Variants in PARD3 observed in about 807,000 individuals in gnomAD.
PARD3 encodes par-3 family cell polarity regulator, also known as partitioning defective 3 homolog.
In PARD3, 75 loss-of-function variants were observed where a neutral mutation model predicts 155.4. The ratio of observed to expected loss-of-function variants is 0.48; its 90% confidence interval spans 0.40 to 0.58. The LOEUF is 0.58. PARD3 is among the 20% of genes least tolerant of loss of function. The pLI, the probability that PARD3 is intolerant of heterozygous loss-of-function variation, is 0.00. For missense variants in PARD3, 1,642 were observed against 1,721.7 expected (o/e 0.95, Z 0.82); for synonymous variants, 576 against 610.5 (o/e 0.94, Z 0.83).
intron 1 of PARD3, among the ~76,000 whole-genome samples, chr10:34,733,531 T>C (rs1183728531): frequency 6.6e-6 from 1 of 152,240 alleles, no homozygotes; most frequent in East Asian, 1.9e-4. Context: ...TCACCCAGGC[T>C]GGAGTGCAGT....
At chr10:34,609,377 T>A (rs2090711919) in intron 2 of PARD3, among the ~76,000 whole-genome samples, 1 of 152,184 alleles carries the variant, frequency 6.6e-6, no homozygotes, top group African/African-American at 2.4e-5. Flanking sequence ...GCAGGTTTTG[T>A]AAAAATGGAA....
intron 2 of PARD3, among the ~76,000 whole-genome samples, chr10:34,584,569 C>T (rs1439043235): frequency 6.6e-6 from 1 of 152,194 alleles, no homozygotes; most frequent in Non-Finnish European, 1.5e-5. Context: ...TGGTGTCCAA[C>T]TAATCGAGCG....
In PARD3 at chr10:34,115,712, C is replaced by CT. The variant is rs1029767685; in HGVS notation, c.3668+3900dup. Among the ~76,000 whole-genome samples the CT allele has an allele frequency of 3.4e-3, 484 of 141,478 alleles. 1 individual carries two copies. Among genetic ancestry groups the CT allele is most frequent in the African/African-American group, 5.9e-3 (230 of 38,706 alleles). 92.8% of individuals were successfully genotyped at this position (141,478 alleles called of 152,430 possible). ...TAAACTGTCAATTTATAATTTTTTT[C>CT]TTTTTTTTTTTTTTCTTTGAGACGG... On this transcript the variant is annotated intron_variant, in intron 24 of 24. Coordinates refer to ENST00000374788, the MANE Select transcript of PARD3 (RefSeq NM_001184785.2).
At chr10:34,710,574 T>C (rs1456716787) in intron 1 of PARD3, among the ~76,000 whole-genome samples, 1 of 152,188 alleles carries the variant, frequency 6.6e-6, no homozygotes, top group Non-Finnish European at 1.5e-5. Context: ...ATGAGTCATT[T>C]CCAATGACTC....
At chr10:34,324,309 C>G (rs997347891) in intron 19 of PARD3, among the ~76,000 whole-genome samples, 1 of 152,124 alleles carries the variant, frequency 6.6e-6, no homozygotes, top group Non-Finnish European at 1.5e-5. Context: ...GCAAAAATTT[C>G]CTGATGTTAA....
chr10:34,199,403 C>G (rs1031026901), intron 22 of PARD3, among the ~76,000 whole-genome samples: 2 of 152,158 alleles, frequency 1.3e-5, no homozygotes, highest in Non-Finnish European at 2.9e-5. Flanking sequence ...AAGCCACAGG[C>G]ATCTCACACG....
At chr10:34,142,318 G>A (rs1282774425) in intron 22 of PARD3, among the ~76,000 whole-genome samples, 2 of 152,138 alleles carry the variant, frequency 1.3e-5, no homozygotes, top group Non-Finnish European at 2.9e-5. Flanking sequence ...CAAGATGGGA[G>A]CATCGCTTTA....
At chr10:34,750,463 AC>A (rs1222823301) in intron 1 of PARD3, among the ~76,000 whole-genome samples, 85 of 3,356 alleles carry the variant, frequency 0.025, no homozygotes, top group African/African-American at 0.079. Context: ...TCTCTTTCAA[AC>A]ACACACACAC....
intron 20 of PARD3, 49 bp from the exon 21 acceptor site, chr10:34,284,294 T>G (rs753004291): frequency 1.8e-6 from 2 of 1,117,710 alleles, no homozygotes; most frequent in South Asian, 2.6e-5. Context: ...AAAATGAGCT[T>G]TCTTTTGTTT....
At chr10:34,788,388 A>G (rs1248067966) in intron 1 of PARD3, among the ~76,000 whole-genome samples, 1 of 150,844 alleles carries the variant, frequency 6.6e-6, no homozygotes, top group East Asian at 2.0e-4. Flanking sequence ...AAGATCAGCC[A>G]CCACCACCAC....
At chr10:34,382,959 G>A (rs759907596) in intron 8 of PARD3, 37 bp from the exon 9 acceptor site, 8 of 1,603,528 alleles carry the variant, frequency 5.0e-6, no homozygotes, top group Non-Finnish European at 6.8e-6. Context: ...AGCAAATTAA[G>A]ACTGGCAGAC....
At chr10:34,415,655 T>C (rs1016322765) in intron 5 of PARD3, among the ~76,000 whole-genome samples, 4 of 152,246 alleles carry the variant, frequency 2.6e-5, no homozygotes, top group East Asian at 1.9e-4. Context: ...TTAAACACCA[T>C]AGTGCCTCTG....
chr10:34,378,535 A>G (rs1841486805), intron 9 of PARD3, among the ~76,000 whole-genome samples: 1 of 152,238 alleles, frequency 6.6e-6, no homozygotes, highest in Non-Finnish European at 1.5e-5. Flanking sequence ...CAAGGGAAAC[A>G]AAAATGTCCA....
At chr10:34,740,039 AG>A (rs2094981054) in intron 1 of PARD3, among the ~76,000 whole-genome samples, 4 of 152,208 alleles carry the variant, frequency 2.6e-5, no homozygotes, top group African/African-American at 7.2e-5. Context: ...AAGGGAAGAA[AG>A]GAAAGGTGTC....
intron 22 of PARD3, among the ~76,000 whole-genome samples, chr10:34,221,362 T>C (rs1030602377): frequency 2.7e-5 from 4 of 150,376 alleles, no homozygotes; most frequent in Admixed American, 2.6e-4. Flanking sequence ...AGGAGGCCAC[T>C]CTTTTCCATT....
chr10:34,615,772 T>C (rs1261418858), intron 2 of PARD3, among the ~76,000 whole-genome samples: 46 of 151,994 alleles, frequency 3.0e-4, no homozygotes, highest in Non-Finnish European at 1.5e-5. Flanking sequence ...AATTTAAAAA[T>C]GAGAAAATGA....
chr10:34,689,778 A>T (rs1385974535), intron 2 of PARD3, among the ~76,000 whole-genome samples: 1 of 152,206 alleles, frequency 6.6e-6, no homozygotes, highest in South Asian at 2.1e-4. Context: ...CTATTTAAAA[A>T]GATCAAGCAT....
At chr10:34,245,972 T>G (rs1055503789) in intron 22 of PARD3, among the ~76,000 whole-genome samples, 10 of 152,092 alleles carry the variant, frequency 6.6e-5, no homozygotes, top group Non-Finnish European at 1.0e-4. Context: ...TGTAGGCACG[T>G]GAGAATCACA....
intron 2 of PARD3, among the ~76,000 whole-genome samples, chr10:34,687,844 A>ACCT (rs2093976394): frequency 1.7e-5 from 1 of 57,362 alleles, no homozygotes; most frequent in Non-Finnish European, 4.0e-5. Flanking sequence ...TACACCTGAA[A>ACCT]TCTTTTTTTT....
Sources: gnomAD v4.1 joint callset for allele counts (sites outside exome capture counted in the v4.1 genomes callset) on GRCh38, gnomAD v4.1.1 for gene constraint, MANE v1.5 for transcripts, NCBI Gene and HGNC (gene_info 2026-07-23, HGNC 2026-07-21) for gene names.